Variants in NRG3 observed in about 807,000 individuals in gnomAD.
NRG3 encodes pro-neuregulin-3, membrane-bound isoform.
Under a neutral mutation model 66.9 loss-of-function variants are expected in NRG3, and 31 were observed. That is an observed-to-expected ratio of 0.46 (90% CI 0.35 to 0.63). The LOEUF is 0.63. Ranked by LOEUF, NRG3 falls within the 20% of genes least tolerant of loss-of-function variation. The pLI, the probability that NRG3 is intolerant of heterozygous loss-of-function variation, is 0.00. For missense variants in NRG3, 910 were observed against 878.9 expected (o/e 1.04, Z -0.45); for synonymous variants, 393 against 359.4 (o/e 1.09, Z -1.06).
chr10:82,632,261 G>A (rs764652037), intron 2 of NRG3, among the ~76,000 whole-genome samples: 9 of 151,964 alleles, frequency 5.9e-5, no homozygotes, highest in Non-Finnish European at 1.3e-4. Flanking sequence ...ATGGCCTTTG[G>A]GCATATCGTA....
At chr10:81,998,520 C>T (rs1284784308) in intron 1 of NRG3, among the ~76,000 whole-genome samples, 5 of 152,118 alleles carry the variant, frequency 3.3e-5, no homozygotes, top group African/African-American at 1.2e-4. Context: ...ACAAACTGGG[C>T]CGCAGAGTCG....
intron 4 of NRG3, among the ~76,000 whole-genome samples, chr10:82,866,084 G>T (rs552943): frequency 0.74 from 112,210 of 152,032 alleles, 41,934 homozygotes; most frequent in African/African-American, 0.86. Flanking sequence ...TCTCTGAGTC[G>T]ATGGTTATAC....
At position 82,076,758 on chromosome 10, in the gene NRG3, G is replaced by C. The variant is rs1297350632; in HGVS notation, c.823+200595G>C. 2.0e-5 allele frequency among the ~76,000 whole-genome samples: 3 copies of C among 152,160 alleles called. No homozygotes were observed. The East Asian group carries it at 5.8e-4, about 29-fold the overall frequency. On this transcript the variant is annotated intron_variant, in intron 1 of 8. Coordinates refer to ENST00000372141, the MANE Select transcript of NRG3 (RefSeq NM_001010848.4). ...TCTGCCATAAGTGGAAACTTCCTGA[G>C]GCTCTCATGAGAAGCAGACGCTGAC...
At chr10:82,133,894 G>C in intron 1 of NRG3, among the ~76,000 whole-genome samples, 1 of 152,222 alleles carries the variant, frequency 6.6e-6, no homozygotes, top group African/African-American at 2.4e-5. Context: ...GTGTATTTGT[G>C]TTCCCTTTTC....
At chr10:82,539,177 G>A (rs553238262) in intron 2 of NRG3, among the ~76,000 whole-genome samples, 1 of 152,300 alleles carries the variant, frequency 6.6e-6, no homozygotes, top group African/African-American at 2.4e-5. Flanking sequence ...AACACTGCCT[G>A]AAAAGAGCTT....
At chr10:82,663,477 A>G (rs2052524657) in intron 2 of NRG3, among the ~76,000 whole-genome samples, 1 of 152,230 alleles carries the variant, frequency 6.6e-6, no homozygotes, top group African/African-American at 2.4e-5. Context: ...CAATAGCCTC[A>G]TAAGCACATA....
intron 2 of NRG3, among the ~76,000 whole-genome samples, chr10:82,456,823 C>G (rs1050594485): frequency 6.6e-6 from 1 of 152,170 alleles, no homozygotes; most frequent in Non-Finnish European, 1.5e-5. Flanking sequence ...GCCTGACACT[C>G]GGCCTGCCCC....
chr10:82,865,351 C>T (rs478010), intron 3 of NRG3, 60 bp from the exon 4 acceptor site: 1,099,908 of 1,584,566 alleles, frequency 0.69, 383,935 homozygotes, highest in African/African-American at 0.86. Flanking sequence ...ATGTATAGAG[C>T]TTTTTCTAAC....
At chr10:82,929,312 G>A (rs921860838) in intron 4 of NRG3, among the ~76,000 whole-genome samples, 11 of 152,092 alleles carry the variant, frequency 7.2e-5, no homozygotes, top group South Asian at 2.1e-4. Flanking sequence ...ATGAAGTTGT[G>A]CTTTGAGCCA....
At chr10:82,808,706 G>A (rs1591589411) in intron 3 of NRG3, among the ~76,000 whole-genome samples, 1 of 152,126 alleles carries the variant, frequency 6.6e-6, no homozygotes, top group East Asian at 1.9e-4. Context: ...AATCAAACCC[G>A]GAATTTAGAC....
At chr10:82,232,927 C>G in intron 1 of NRG3, 1 of 686,316 alleles carries the variant, frequency 1.5e-6, no homozygotes, top group South Asian at 1.6e-5. Context: ...ATTTGGGAAA[C>G]AGGAGTGTTC....
intron 2 of NRG3, among the ~76,000 whole-genome samples, chr10:82,427,740 TTCTTCC>T (rs2089539194): frequency 6.6e-6 from 1 of 152,234 alleles, no homozygotes; most frequent in African/African-American, 2.4e-5. Flanking sequence ...CAATAAGTGA[TTCTTCC>T]TCTTCCTTTA....
At position 82,657,934 on chromosome 10, in the gene NRG3, T is replaced by C. The variant is rs998247787; in HGVS notation, c.954-80643T>C. Among the ~76,000 whole-genome samples the C allele has an allele frequency of 2.0e-5, 3 of 149,374 alleles. No homozygotes were observed. The East Asian group carries it at 5.8e-4, about 29-fold the overall frequency. ...AAAAAAAAATCCCTCTAAGCTCACA[T>C]GGTTCACTTTTGAAGTCTGCCAAAC... On this transcript the variant is annotated intron_variant, in intron 2 of 8. Transcript: ENST00000372141.
At chr10:82,355,758 C>T (rs1049560618) in intron 1 of NRG3, among the ~76,000 whole-genome samples, 5 of 152,124 alleles carry the variant, frequency 3.3e-5, no homozygotes, top group Non-Finnish European at 7.3e-5. Flanking sequence ...TTACCTTAGC[C>T]AATGCCTCTG....
intron 3 of NRG3, among the ~76,000 whole-genome samples, chr10:82,782,651 G>T (rs1165512701): frequency 6.6e-6 from 1 of 152,016 alleles, no homozygotes; most frequent in South Asian, 2.1e-4. Context: ...AAAAAGTCTA[G>T]ATCATCATGA....
chr10:82,149,742 G>A (rs1375359954), intron 1 of NRG3, among the ~76,000 whole-genome samples: 1 of 149,340 alleles, frequency 6.7e-6, no homozygotes, highest in Admixed American at 6.7e-5. Flanking sequence ...CCAGTAGAAT[G>A]TCAGACTAAT....
At chr10:82,095,199 G>A (rs7919919) in intron 1 of NRG3, among the ~76,000 whole-genome samples, 114,843 of 151,946 alleles carry the variant, frequency 0.76, 43,480 homozygotes, top group Non-Finnish European at 0.79. Flanking sequence ...CTGAGCTTGT[G>A]AGGTTTTTAA....
At chr10:81,960,566 A>G (rs1164871653) in intron 1 of NRG3, among the ~76,000 whole-genome samples, 3 of 152,084 alleles carry the variant, frequency 2.0e-5, no homozygotes, top group South Asian at 4.2e-4. Flanking sequence ...TAGTAGCAGT[A>G]ATGGAACTAG....
chr10:82,100,898 T>G, intron 1 of NRG3, among the ~76,000 whole-genome samples: 1 of 152,066 alleles, frequency 6.6e-6, no homozygotes, highest in East Asian at 1.9e-4. Flanking sequence ...GAGAAGTGTC[T>G]TAGAAGAGAA....
Sources: allele counts gnomAD v4.1 joint callset (sites outside exome capture counted in the v4.1 genomes callset), GRCh38; gene constraint gnomAD v4.1.1; transcripts MANE v1.5; gene names NCBI Gene and HGNC (gene_info 2026-07-23, HGNC 2026-07-21).